SPAG16: variants seen among roughly 807,000 people sequenced by gnomAD.
SPAG16 encodes the protein sperm-associated antigen 16 protein.
A neutral mutation model predicts 80.4 loss-of-function variants in SPAG16; 86 were observed. The ratio of observed to expected loss-of-function variants is 1.07; its 90% confidence interval spans 0.90 to 1.28. The LOEUF (loss-of-function observed/expected upper bound fraction) is 1.28, where lower values mean the gene tolerates loss of function less well. Among genes scored for constraint, SPAG16 ranks in the 50% most tolerant of loss-of-function variants. SPAG16 has a pLI of 0.00. For missense variants in SPAG16, 870 were observed against 765.3 expected (o/e 1.14, Z -1.61); for synonymous variants, 294 against 265.9 (o/e 1.11, Z -1.03).
chr2:213,671,698 G>C (rs764989391), intron 10 of SPAG16, among the ~76,000 whole-genome samples: 26 of 152,188 alleles, frequency 1.7e-4, no homozygotes, highest in African/African-American at 5.8e-4. Context: ...AGATGGTCTT[G>C]AGTTAAGCAC....
chr2:213,358,922 G>T (rs2125094250), intron 7 of SPAG16, among the ~76,000 whole-genome samples: 1 of 152,270 alleles, frequency 6.6e-6, no homozygotes, highest in East Asian at 1.9e-4. Flanking sequence ...TTTGATGTTA[G>T]TGACCTTCAG....
At chr2:213,320,895 C>T (rs1019835031) in intron 5 of SPAG16, among the ~76,000 whole-genome samples, 2 of 151,928 alleles carry the variant, frequency 1.3e-5, no homozygotes, top group African/African-American at 2.4e-5. Flanking sequence ...AAAAGTTTTC[C>T]GAACTACATC....
chr2:213,872,516 A>G (rs1047311561), intron 11 of SPAG16, among the ~76,000 whole-genome samples: 1 of 152,086 alleles, frequency 6.6e-6, no homozygotes, highest in African/African-American at 2.4e-5. Context: ...TATATACAAG[A>G]TCATATCATC....
intron 9 of SPAG16, among the ~76,000 whole-genome samples, chr2:213,400,645 A>G (rs1357571512): frequency 6.6e-6 from 1 of 151,960 alleles, no homozygotes; most frequent in Non-Finnish European, 1.5e-5. Context: ...AGGTACCTGT[A>G]TTTTTCAGTA....
At chr2:213,673,014 C>T (rs1159437364) in intron 10 of SPAG16, among the ~76,000 whole-genome samples, 1 of 152,050 alleles carries the variant, frequency 6.6e-6, no homozygotes, top group East Asian at 1.9e-4. Flanking sequence ...TTAGTCTTCT[C>T]TTTCTTGAAT....
At chr2:213,772,309 C>T (rs1429545856) in intron 10 of SPAG16, among the ~76,000 whole-genome samples, 1 of 152,140 alleles carries the variant, frequency 6.6e-6, no homozygotes, top group African/African-American at 2.4e-5. Context: ...TGAGACCACC[C>T]TCAACATGCC....
At chr2:214,303,551 A>AT (rs1329799664) in intron 15 of SPAG16, among the ~76,000 whole-genome samples, 2 of 151,972 alleles carry the variant, frequency 1.3e-5, no homozygotes, top group African/African-American at 2.4e-5. Flanking sequence ...TGCTTTTAAG[A>AT]TTTTTTCTTT....
At chr2:213,599,083 G>A (rs2060975559) in intron 10 of SPAG16, among the ~76,000 whole-genome samples, 2 of 152,106 alleles carry the variant, frequency 1.3e-5, no homozygotes, top group Admixed American at 6.6e-5. Context: ...AGGAGAAATA[G>A]TCACAACTAA....
intron 15 of SPAG16, among the ~76,000 whole-genome samples, chr2:214,222,215 C>T (rs1158280694): frequency 6.9e-6 from 1 of 144,966 alleles, no homozygotes; most frequent in Non-Finnish European, 1.5e-5. Context: ...CTCCTGGGTT[C>T]AAGCGAGTCT....
chr2:213,724,518 C>T (rs1433730845), intron 10 of SPAG16, among the ~76,000 whole-genome samples: 2 of 151,986 alleles, frequency 1.3e-5, no homozygotes, highest in Non-Finnish European at 2.9e-5. Context: ...TGGCTCATGC[C>T]TGTAATCCCA....
chr2:214,104,281 G>A (rs1357648236), intron 13 of SPAG16, among the ~76,000 whole-genome samples: 1 of 152,190 alleles, frequency 6.6e-6, no homozygotes, highest in Non-Finnish European at 1.5e-5. Context: ...ACAATACAGG[G>A]CCTTAAGACA....
At chr2:213,642,649 G>A (rs2062636079) in intron 10 of SPAG16, among the ~76,000 whole-genome samples, 2 of 51,442 alleles carry the variant, frequency 3.9e-5, no homozygotes, top group Admixed American at 1.7e-4. Context: ...GTGAAACCCC[G>A]TCTCTACTAA....
rs2073900531 is a variant in SPAG16 at position 213,833,561 on chromosome 2, TA to T, written c.1071-28923del. 1.0e-3 allele frequency among the ~76,000 whole-genome samples: 23 copies of T among 23,044 alleles called. 3 individuals are homozygous for T. Among genetic ancestry groups the T allele is most frequent in the African/African-American group, 1.9e-3 (12 of 6,158 alleles). 15.1% of individuals were successfully genotyped at this position (23,044 alleles called of 152,430 possible). A position where few individuals can be genotyped will look rare whatever the true frequency, so the allele number is the denominator to read the frequency against. On this transcript the variant is annotated intron_variant, in intron 10 of 15. Coordinates refer to ENST00000331683, the MANE Select transcript of SPAG16 (RefSeq NM_024532.5). The stretch of plus-strand genomic sequence containing the variant: ...TATAATATATATAATATATATAATA[TA>T]TATAATATATATATAATATATATAT...
chr2:213,434,142 A>T lies in SPAG16; in HGVS notation c.943-55821A>T, dbSNP rs532040010. Among the ~76,000 whole-genome samples the T allele has an allele frequency of 4.6e-5, 7 of 151,456 alleles. No homozygotes were observed. In the South Asian group the frequency reaches 1.5e-3, roughly 32 times the overall value. ...ACCATGTTGGTCAGGCTGGTCTCGA[A>T]CTCCTGACCTCAGGTGATCCACCTG... On this transcript the variant is annotated intron_variant, in intron 9 of 15. Transcript: ENST00000331683.
At chr2:213,914,701 T>A (rs1027515552) in intron 11 of SPAG16, among the ~76,000 whole-genome samples, 5 of 152,218 alleles carry the variant, frequency 3.3e-5, no homozygotes. Context: ...TTTGCACAAA[T>A]ATACTTTATC....
intron 10 of SPAG16, among the ~76,000 whole-genome samples, chr2:213,792,800 A>C (rs1378189696): frequency 6.6e-6 from 1 of 151,658 alleles, no homozygotes; most frequent in Non-Finnish European, 1.5e-5. Flanking sequence ...CACATCTCTA[A>C]AACTGGCCTC....
At chr2:213,800,323 CCTCCCTCCCTCT>C (rs1405202482) in intron 10 of SPAG16, among the ~76,000 whole-genome samples, 345 of 139,352 alleles carry the variant, frequency 2.5e-3, no homozygotes, top group Non-Finnish European at 4.3e-3. Flanking sequence ...TCCCTCCCTC[CCTCCCTCCCTCT>C]CTCCCTCTCT....
chr2:213,384,171 T>G (rs1269275925), intron 9 of SPAG16, among the ~76,000 whole-genome samples: 3 of 152,186 alleles, frequency 2.0e-5, no homozygotes, highest in African/African-American at 7.2e-5. Context: ...ACATCCTTTG[T>G]TTAAATCTGT....
intron 10 of SPAG16, among the ~76,000 whole-genome samples, chr2:213,540,167 T>C (rs2076393139): frequency 6.6e-6 from 1 of 151,806 alleles, no homozygotes; most frequent in Admixed American, 6.6e-5. Flanking sequence ...CCTGAGTAGC[T>C]GGGACTACAG....
Sources: allele counts gnomAD v4.1 joint callset (sites outside exome capture counted in the v4.1 genomes callset), GRCh38; gene constraint gnomAD v4.1.1; transcripts MANE v1.5; gene names NCBI Gene and HGNC (gene_info 2026-07-23, HGNC 2026-07-21).